Variants in ASIC2 observed in about 807,000 individuals in gnomAD.
ASIC2 encodes the protein acid sensing ion channel subunit 2, also known as acid-sensing ion channel 2.
ASIC2 carries 25 observed loss-of-function variants against 57.3 expected under a neutral mutation model. The ratio of observed to expected loss-of-function variants is 0.44; its 90% CI spans 0.32 to 0.61. ASIC2 has a LOEUF of 0.61. Among genes scored for constraint, ASIC2 ranks in the 20% least tolerant of loss-of-function variants. ASIC2 has a pLI of 0.06. For missense variants in ASIC2, 641 were observed against 738.1 expected (o/e 0.87, Z 1.52); for synonymous variants, 319 against 307.5 (o/e 1.04, Z -0.39).
rs140153521 is a variant in ASIC2, at chr17:33,140,476, C to T, written c.709-28409G>A. Reference sequence around the variant, plus strand: ...GACTCCCTGAGTCTTCATTGTTCTCCTTTCTATGATGGGAATTACAGCAAT... The same window carrying T: ...GACTCCCTGAGTCTTCATTGTTCTCTTTTCTATGATGGGAATTACAGCAAT... On this transcript the variant is annotated intron_variant, in intron 1 of 9. Coordinates refer to ENST00000225823, the MANE Select transcript of ASIC2 (RefSeq NM_183377.2). 3.2e-3 allele frequency among the ~76,000 whole-genome samples: 485 copies of T among 152,318 alleles called. 4 individuals are homozygous for T. Among genetic ancestry groups the T allele is most frequent in the African/African-American group, 0.011 (466 of 41,554 alleles).
At chr17:33,945,327 T>A (rs1567764486) in intron 1 of ASIC2, among the ~76,000 whole-genome samples, 2 of 145,858 alleles carry the variant, frequency 1.4e-5, no homozygotes, top group Admixed American at 7.0e-5. Context: ...TTTTTTTTGG[T>A]GGTCTCAGGA....
chr17:33,022,606 T>C (rs945926682), intron 6 of ASIC2, among the ~76,000 whole-genome samples: 2 of 152,244 alleles, frequency 1.3e-5, no homozygotes, highest in Admixed American at 1.3e-4. Context: ...CCTGTGCTGA[T>C]GGTCTCTGCT....
At chr17:33,082,478 C>G (rs2092116808) in intron 3 of ASIC2, among the ~76,000 whole-genome samples, 1 of 152,044 alleles carries the variant, frequency 6.6e-6, no homozygotes, top group Non-Finnish European at 1.5e-5. Flanking sequence ...GTGGGTGGAT[C>G]ACTTGAGGCC....
chr17:33,931,388 C>A (rs1450476039), intron 1 of ASIC2: 2 of 152,186 alleles, frequency 1.3e-5, no homozygotes, highest in Non-Finnish European at 2.9e-5. Flanking sequence ...CTATAGATAA[C>A]ACAAGCAGTT....
At chr17:33,750,406 G>A (rs999737125) in intron 1 of ASIC2, among the ~76,000 whole-genome samples, 16 of 152,194 alleles carry the variant, frequency 1.1e-4, no homozygotes, top group African/African-American at 3.9e-4. Flanking sequence ...TCATGTGCAC[G>A]ATATTGTGCA....
intron 1 of ASIC2, among the ~76,000 whole-genome samples, chr17:33,675,174 C>T (rs950816452): frequency 6.6e-6 from 1 of 152,196 alleles, no homozygotes; most frequent in East Asian, 1.9e-4. Flanking sequence ...CGTTATTTCC[C>T]TTTAACCCTT....
Position 33,291,453 on chromosome 17 carries a change from G to A in ASIC2, c.663C>T (p.Ser221=), listed in dbSNP as rs1245650620. 1.2e-6 allele frequency: 2 copies of A among 1,611,370 alleles called. No individual in the cohort carries two copies. The highest frequency in any genetic ancestry group is 1.7e-6 in the Non-Finnish European group (2 of 1,179,206). ...CGCAGAGCTCGCCGCGGTACTTGCA[G>A]GAGAGCAGCATGTCCTCCAGCTGGT... ...LGHQLEDMLL[S]CKYRGELCGP... The change falls in exon 1 of 10, where the codon TCC becomes TCT. Residue 221 remains serine (S), a synonymous_variant. Coordinates refer to ENST00000225823, the MANE Select transcript of ASIC2 (RefSeq NM_183377.2).
At chr17:34,094,728 T>C (rs551671967) in intron 1 of ASIC2, among the ~76,000 whole-genome samples, 1 of 152,334 alleles carries the variant, frequency 6.6e-6, no homozygotes. Flanking sequence ...GAATCCCCTT[T>C]ATCTAAGAGC....
At chr17:33,049,972 C>T (rs1030977182) in intron 3 of ASIC2, among the ~76,000 whole-genome samples, 4 of 152,092 alleles carry the variant, frequency 2.6e-5, no homozygotes, top group Non-Finnish European at 5.9e-5. Context: ...CTATCTGTCT[C>T]CTGCTCACTG....
At chr17:33,956,191 G>A (rs961436187) in intron 1 of ASIC2, among the ~76,000 whole-genome samples, 1 of 152,198 alleles carries the variant, frequency 6.6e-6, no homozygotes, top group African/African-American at 2.4e-5. Context: ...AGTGATCCAA[G>A]CAGGAGAGTC....
intron 1 of ASIC2, among the ~76,000 whole-genome samples, chr17:33,203,647 G>T (rs1262897118): frequency 3.3e-5 from 5 of 152,084 alleles, no homozygotes. Flanking sequence ...TCTCGGGGTT[G>T]GCAATGTTAT....
At chr17:33,605,711 C>A (rs1191183926) in intron 1 of ASIC2, among the ~76,000 whole-genome samples, 1 of 152,194 alleles carries the variant, frequency 6.6e-6, no homozygotes, top group Non-Finnish European at 1.5e-5. Context: ...TGGCCGAGAC[C>A]AGACTATCAA....
At chr17:33,892,607 C>T (rs917569560) in intron 1 of ASIC2, among the ~76,000 whole-genome samples, 3 of 152,320 alleles carry the variant, frequency 2.0e-5, no homozygotes, top group South Asian at 2.1e-4. Context: ...TGGCAACTGA[C>T]CAGCATGCCT....
intron 1 of ASIC2, among the ~76,000 whole-genome samples, chr17:33,399,437 C>T (rs567343560): frequency 7.9e-5 from 12 of 152,270 alleles, no homozygotes; most frequent in African/African-American, 2.9e-4. Flanking sequence ...CATCCCCCTT[C>T]CCCCTCTGTC....
chr17:33,470,408 G>A (rs530039303), intron 1 of ASIC2, among the ~76,000 whole-genome samples: 52 of 152,262 alleles, frequency 3.4e-4, no homozygotes, highest in East Asian at 5.8e-4. Context: ...TCTGATGAGC[G>A]TTTTTGGTTA....
chr17:33,906,418 A>G (rs1915350689), intron 1 of ASIC2, among the ~76,000 whole-genome samples: 1 of 152,180 alleles, frequency 6.6e-6, no homozygotes, highest in South Asian at 2.1e-4. Flanking sequence ...CCTTGGGCCT[A>G]TCTTCAATGC....
intron 1 of ASIC2, among the ~76,000 whole-genome samples, chr17:33,887,019 G>A (rs1194004383): frequency 1.3e-5 from 2 of 152,204 alleles, no homozygotes; most frequent in East Asian, 1.9e-4. Context: ...GGAGAGAGCC[G>A]ACTGTGGTGC....
chr17:33,131,229 G>C (rs901775802), intron 1 of ASIC2, among the ~76,000 whole-genome samples: 13 of 152,102 alleles, frequency 8.5e-5, no homozygotes, highest in African/African-American at 2.9e-4. Context: ...GGATGGCTAA[G>C]GGATGAGTGT....
chr17:33,579,088 C>T (rs1005680276), intron 1 of ASIC2, among the ~76,000 whole-genome samples: 4 of 150,448 alleles, frequency 2.7e-5, no homozygotes, highest in Admixed American at 1.3e-4. Context: ...GGATTCAGAC[C>T]AGTCTGGCCA....
Sources: gnomAD v4.1 joint callset for allele counts (sites outside exome capture counted in the v4.1 genomes callset) on GRCh38, gnomAD v4.1.1 for gene constraint, MANE v1.5 for transcripts, NCBI Gene and HGNC (gene_info 2026-07-23, HGNC 2026-07-21) for gene names.